Variants in PIK3C2A observed in about 807,000 individuals in gnomAD.
The protein encoded by PIK3C2A is phosphatidylinositol-4-phosphate 3-kinase catalytic subunit type 2 alpha.
In PIK3C2A, 97 loss-of-function variants were observed where a neutral mutation model predicts 204.5. That is an observed-to-expected ratio of 0.47 (90% CI 0.40 to 0.56). The LOEUF is 0.56. PIK3C2A is among the 20% of genes least tolerant of loss of function. The pLI is 0.00. For missense variants in PIK3C2A, 1,735 were observed against 1,969.2 expected (o/e 0.88, Z 2.25); for synonymous variants, 653 against 664.4 (o/e 0.98, Z 0.26).
In PIK3C2A at chr11:17,178,713, A is replaced by ATT. The variant is rs569882194; in HGVS notation, c.-65-8909_-65-8908dup. On this transcript the variant is annotated intron_variant, in intron 1 of 32. Coordinates refer to ENST00000691414, the MANE Select transcript of PIK3C2A (RefSeq NM_002645.4). ...GCCACCACACCTGGTTGATTTTTGA[A>ATT]TTTTTTTTTTTTTTTTTTTTTTTTT... 4.8e-3 allele frequency among the ~76,000 whole-genome samples: 47 copies of ATT among 9,816 alleles called. 8 individuals are homozygous for ATT. Among genetic ancestry groups the ATT allele is most frequent in the East Asian group, 8.9e-3 (1 of 112 alleles). The allele number at this position is 9,816 out of a possible 152,430, so 6.4% of individuals were successfully genotyped here. A position where few individuals can be genotyped will look rare whatever the true frequency, so the allele number is the denominator to read the frequency against.
intron 27 of PIK3C2A, among the ~76,000 whole-genome samples, chr11:17,096,041 A>G (rs1192180511): frequency 2.0e-5 from 3 of 149,940 alleles, no homozygotes; most frequent in South Asian, 2.1e-4. Flanking sequence ...GGCTAGTTAA[A>G]CTTTTTTTTT....
At chr11:17,110,634 G>GT in intron 21 of PIK3C2A, 73 bp from the exon 22 acceptor site, 4 of 1,394,488 alleles carry the variant, frequency 2.9e-6, no homozygotes, top group Middle Eastern at 2.3e-4. Context: ...TATGAAAGCT[G>GT]TAATCCCAGC....
intron 15 of PIK3C2A, among the ~76,000 whole-genome samples, chr11:17,121,976 A>T (rs995098247): frequency 1.3e-5 from 2 of 151,650 alleles, no homozygotes; most frequent in African/African-American, 4.8e-5. Flanking sequence ...ATATAATTTT[A>T]AAAATAACTT....
chr11:17,158,622 T>C (rs1418084253), intron 2 of PIK3C2A, among the ~76,000 whole-genome samples: 1 of 151,926 alleles, frequency 6.6e-6, no homozygotes, highest in African/African-American at 2.4e-5. Flanking sequence ...TCCTTAAAAA[T>C]CCTTAAAAAC....
chr11:17,203,855 A>C (rs1167337771), intron 1 of PIK3C2A, among the ~76,000 whole-genome samples: 1 of 152,078 alleles, frequency 6.6e-6, no homozygotes, highest in African/African-American at 2.4e-5. Flanking sequence ...GGCAGATCAC[A>C]AGGTCAGGAG....
chr11:17,123,248 TTTTTG>T (rs374212417), intron 13 of PIK3C2A, among the ~76,000 whole-genome samples: 4 of 151,846 alleles, frequency 2.6e-5, no homozygotes, highest in Non-Finnish European at 5.9e-5. Context: ...AAAACACGTT[TTTTTG>T]TTTTGTTTTG....
At chr11:17,206,075 G>T (rs2137597870) in intron 1 of PIK3C2A, among the ~76,000 whole-genome samples, 1 of 152,246 alleles carries the variant, frequency 6.6e-6, no homozygotes. Context: ...GTGAGCTCTC[G>T]TGCCACTGCA....
At chr11:17,114,591 T>G in intron 19 of PIK3C2A, 126 bp from the exon 20 acceptor site, 1 of 522,668 alleles carries the variant, frequency 1.9e-6, no homozygotes, top group Non-Finnish European at 3.5e-6. Flanking sequence ...AGGTTGTTAC[T>G]AAAGAGAGTT....
At chr11:17,138,167 T>C in intron 8 of PIK3C2A, 1 of 861,050 alleles carries the variant, frequency 1.2e-6, no homozygotes, top group South Asian at 1.3e-5. Flanking sequence ...CACGAACCCC[T>C]CAAAGTCTAC....
chr11:17,093,295 C>G (rs982573847), intron 28 of PIK3C2A, among the ~76,000 whole-genome samples: 1 of 152,216 alleles, frequency 6.6e-6, no homozygotes, highest in Non-Finnish European at 1.5e-5. Context: ...GAGACGGAGT[C>G]TCGCTCTGTT....
At chr11:17,154,193 A>G (rs1041177310) in intron 3 of PIK3C2A, among the ~76,000 whole-genome samples, 3 of 152,182 alleles carry the variant, frequency 2.0e-5, no homozygotes, top group Non-Finnish European at 2.9e-5. Flanking sequence ...CAGAGAGCCT[A>G]ACTTCTCAAC....
rs11024176 is a variant in PIK3C2A, at chr11:17,160,841, A to C, written c.1066-5212T>G. On this transcript the variant is annotated intron_variant, in intron 2 of 32. Transcript: ENST00000691414. ...CCTGCCTTAACAAAACCAAACCAAA[A>C]CAAAACAAACAAACAAACAGTAATA... 6.6e-3 allele frequency among the ~76,000 whole-genome samples: 1,007 copies of C among 152,254 alleles called. 18 individuals carry two copies. Among genetic ancestry groups the C allele is most frequent in the African/African-American group, 0.021 (888 of 41,564 alleles).
At chr11:17,196,990 G>A (rs1041207477) in intron 1 of PIK3C2A, among the ~76,000 whole-genome samples, 1 of 151,972 alleles carries the variant, frequency 6.6e-6, no homozygotes, top group Non-Finnish European at 1.5e-5. Flanking sequence ...CCCAAGCTTC[G>A]TCACAAGTTT....
intron 1 of PIK3C2A, among the ~76,000 whole-genome samples, chr11:17,180,528 C>A (rs80136050): frequency 0.22 from 32,983 of 147,470 alleles, 3,986 homozygotes; most frequent in Middle Eastern, 0.33. Flanking sequence ...CAACAAAAAA[C>A]AAAAAAAAAA....
At chr11:17,197,499 G>T (rs1248782667) in intron 1 of PIK3C2A, among the ~76,000 whole-genome samples, 1 of 152,092 alleles carries the variant, frequency 6.6e-6, no homozygotes, top group Non-Finnish European at 1.5e-5. Flanking sequence ...GCCCTTAGGA[G>T]CAACATTCTA....
intron 3 of PIK3C2A, among the ~76,000 whole-genome samples, chr11:17,155,092 T>A (rs958848032): frequency 6.6e-6 from 1 of 152,216 alleles, no homozygotes; most frequent in Non-Finnish European, 1.5e-5. Flanking sequence ...GAACATTCTA[T>A]AAATGTGTTT....
intron 28 of PIK3C2A, among the ~76,000 whole-genome samples, chr11:17,093,368 G>A (rs571601074): frequency 2.6e-5 from 4 of 152,212 alleles, no homozygotes; most frequent in South Asian, 2.1e-4. Context: ...CTGGGTTCAC[G>A]CCATTCTCCT....
At chr11:17,099,405 G>A (rs940761186) in intron 26 of PIK3C2A, among the ~76,000 whole-genome samples, 1 of 152,096 alleles carries the variant, frequency 6.6e-6, no homozygotes, top group African/African-American at 2.4e-5. Flanking sequence ...TAATTAGCTG[G>A]GCTTAGTGGT....
chr11:17,112,604 A>G lies in PIK3C2A; in HGVS notation c.3384T>C (p.Pro1128=). The G allele has an allele frequency of 5.1e-6, 8 of 1,553,538 alleles. No individual in the cohort carries two copies. Among genetic ancestry groups the G allele is most frequent in the Non-Finnish European group, 7.0e-6 (8 of 1,141,470 alleles). Residue 1128 remains proline (P), a synonymous_variant, in exon 21 of 33, where the codon CCT becomes CCC. Coordinates refer to ENST00000691414, the MANE Select transcript of PIK3C2A (RefSeq NM_002645.4). ...PLKVTMVNAD[P]MGEEINVMFK... ...ACATGACATTAATTTCTTCTCCCAT[A>G]GGGTCAGCATTCACCATTGTGACTT...
Sources: gnomAD v4.1 joint callset for allele counts (sites outside exome capture counted in the v4.1 genomes callset) on GRCh38, gnomAD v4.1.1 for gene constraint, MANE v1.5 for transcripts, NCBI Gene and HGNC (gene_info 2026-07-23, HGNC 2026-07-21) for gene names.